Variants in PDE4A observed in about 807,000 individuals in gnomAD.
PDE4A encodes 3',5'-cyclic-AMP phosphodiesterase 4A.
Under a neutral mutation model 73.9 loss-of-function variants are expected in PDE4A, and 21 were observed. The ratio of observed to expected loss-of-function variants is 0.28; its 90% CI spans 0.20 to 0.41. The LOEUF (loss-of-function observed/expected upper bound fraction) is 0.41. Ranked by LOEUF, PDE4A falls within the 10% of genes least tolerant of loss-of-function variation. The probability of loss-of-function intolerance (pLI) is 1.00; values close to 1 mark genes in which losing one functional copy is unlikely to be tolerated. For synonymous variants in PDE4A, 463 were observed against 505.4 expected (o/e 0.92, Z 1.13); for missense variants, 958 against 1,211.4 (o/e 0.79, Z 3.10).
chr19:10,456,827 C>G lies in PDE4A; in HGVS notation c.878-1052C>G, dbSNP rs546039934. Among the ~76,000 whole-genome samples the G allele has an allele frequency of 5.9e-5, 9 of 152,334 alleles. No individual in the cohort carries two copies. The East Asian group carries it at 1.7e-3, about 29-fold the overall frequency. ...CAAGCTAGAGATATTCCCCCAAACT[C>G]AGGATAATTTAATCCTCGCAGTTTA... On this transcript the variant is annotated intron_variant, in intron 7 of 14. Coordinates refer to ENST00000380702, the MANE Select transcript of PDE4A (RefSeq NM_001111307.2).
upstream of PDE4A, chr19:10,417,289 G>C: frequency 1.0e-6 from 1 of 985,052 alleles, no homozygotes; most frequent in Non-Finnish European, 1.2e-6. Flanking sequence ...AGATGTGAGG[G>C]ATGGGAGGGG....
rs1042411247 is a variant in PDE4A, at chr19:10,467,645, C to T, written c.*24C>T. 5.3e-6 allele frequency: 8 copies of T among 1,504,184 alleles called. No homozygotes were observed. Among genetic ancestry groups the T allele is most frequent in the Admixed American group, 2.1e-5 (1 of 47,382 alleles). The allele number at this position is 1,504,184 out of a possible 1,614,324, so 93.2% of individuals were successfully genotyped here. A position where few individuals can be genotyped will look rare whatever the true frequency, so the allele number is the denominator to read the frequency against. ...GATCCCCAGACCTCTGTCCCTGTTCCCCTCCACTCCTCCCCTCACTCCCCT... is the reference window on the plus strand; with the variant it reads ...GATCCCCAGACCTCTGTCCCTGTTCTCCTCCACTCCTCCCCTCACTCCCCT... On this transcript the variant is annotated 3_prime_UTR_variant, in exon 15 of 15. Coordinates refer to ENST00000380702, the MANE Select transcript of PDE4A (RefSeq NM_001111307.2).
intron 7 of PDE4A, among the ~76,000 whole-genome samples, chr19:10,456,922 G>A (rs1318414178): frequency 6.6e-6 from 1 of 152,180 alleles, no homozygotes; most frequent in Non-Finnish European, 1.5e-5. Context: ...TTGGGGCTGG[G>A]TGCGGTGGCT....
In PDE4A at chr19:10,467,613, C is replaced by A. The variant is rs746030260; in HGVS notation, c.2653C>A (p.Pro885Thr). The change falls in exon 15 of 15, where the codon CCT becomes ACT. Residue 885 changes from proline to threonine, a missense_variant. By Grantham distance (38) the Pro-to-Thr change is conservative (BLOSUM62 -1). Transcript: ENST00000380702. ...TGGTGGCGGGGGGTCAGGTGGAGAC[C>A]CTACCTGATCCCCAGACCTCTGTCC... Reference protein sequence around the residue: ...APGGGGSGGDPT With the variant: ...APGGGGSGGDTT 1 of 1,557,590 alleles carries A rather than the reference C, an allele frequency of 6.4e-7. No individual in the cohort carries two copies. The highest frequency in any genetic ancestry group is 1.8e-5 in the Admixed American group (1 of 54,434).
At chr19:10,438,028 T>C (rs995627099) in intron 1 of PDE4A, among the ~76,000 whole-genome samples, 8 of 151,948 alleles carry the variant, frequency 5.3e-5, no homozygotes, top group Non-Finnish European at 1.2e-4. Flanking sequence ...AGGCTGGTGT[T>C]GAACTCCTGG....
chr19:10,432,473 C>A lies in PDE4A; in HGVS notation c.320+11389C>A, dbSNP rs780421226. On this transcript the variant is annotated intron_variant, in intron 1 of 14. Transcript: ENST00000380702. ...CAGCGCCCCGGGCCCGGCCCCGGCC[C>A]CCTGCCCTGGCACTGCCCCCCACGG... The A allele has an allele frequency of 1.4e-5, 21 of 1,501,068 alleles. No homozygotes were observed. The South Asian group carries it at 2.7e-4, about 19-fold the overall frequency. The allele number at this position is 1,501,068 out of a possible 1,614,324, so 93.0% of individuals were successfully genotyped here.
chr19:10,457,535 T>C (rs1035657656), intron 7 of PDE4A, among the ~76,000 whole-genome samples: 7 of 150,580 alleles, frequency 4.6e-5, no homozygotes, highest in Non-Finnish European at 7.4e-5. Flanking sequence ...CATGCTGGGA[T>C]CTTCCCCACC....
At position 10,468,624 on chromosome 19, in the gene PDE4A, C is replaced by A; in HGVS notation, c.*1003C>A. On this transcript the variant is annotated 3_prime_UTR_variant, in exon 15 of 15. Transcript: ENST00000380702. ...CAGGCGCCCAGAACCCCCATCCTGGCCGCACCCCCCTTTCCAGGGTCCTCC... is the reference window on the plus strand; with the variant it reads ...CAGGCGCCCAGAACCCCCATCCTGGACGCACCCCCCTTTCCAGGGTCCTCC... The A allele has an allele frequency of 6.6e-6, 1 of 152,390 alleles. No homozygotes were observed. Among genetic ancestry groups the A allele is most frequent in the East Asian group, 1.9e-4 (1 of 5,180 alleles). The allele number at this position is 152,390 out of a possible 1,614,324, so 9.4% of individuals were successfully genotyped here. A position where few individuals can be genotyped will look rare whatever the true frequency, so the allele number is the denominator to read the frequency against.
intron 1 of PDE4A, among the ~76,000 whole-genome samples, chr19:10,437,404 A>G (rs2042880035): frequency 1.3e-5 from 2 of 151,504 alleles, no homozygotes; most frequent in South Asian, 2.1e-4. Context: ...TTACAGGCGT[A>G]AGCCACCGTG....
chr19:10,433,475 G>A (rs1253365314), intron 1 of PDE4A, among the ~76,000 whole-genome samples: 2 of 152,132 alleles, frequency 1.3e-5, no homozygotes, highest in African/African-American at 2.4e-5. Context: ...GCCCACACAG[G>A]GGTCAGGGAC....
chr19:10,432,504 G>A (rs1191505665), intron 1 of PDE4A: 1 of 1,519,400 alleles, frequency 6.6e-7, no homozygotes, highest in South Asian at 1.2e-5. Flanking sequence ...CACGGGCCCC[G>A]AGTCCCTGAC....
At chr19:10,419,550 T>C (rs1351361703), upstream of PDE4A, 4 of 152,310 alleles carry the variant, frequency 2.6e-5, no homozygotes, top group African/African-American at 4.8e-5. Flanking sequence ...GGCAGCGATG[T>C]ATAGAGCGGT....
intron 1 of PDE4A, among the ~76,000 whole-genome samples, chr19:10,443,605 T>C (rs1215151937): frequency 6.6e-6 from 1 of 150,822 alleles, no homozygotes; most frequent in Non-Finnish European, 1.5e-5. Context: ...TCCCACCTAC[T>C]TGGGAGGTGG....
intron 1 of PDE4A, among the ~76,000 whole-genome samples, chr19:10,439,402 G>A (rs1312368068): frequency 2.6e-5 from 4 of 152,022 alleles, no homozygotes; most frequent in African/African-American, 4.8e-5. Flanking sequence ...GGCTGGTCTC[G>A]AACTCTGGAC....
rs1298142620 is a variant in PDE4A at position 10,463,832 on chromosome 19, C to T, written c.1783C>T (p.Pro595Ser). The T allele has an allele frequency of 2.5e-6, 4 of 1,614,162 alleles. No homozygotes were observed. In the South Asian group the frequency reaches 3.3e-5, roughly 13 times the overall value. The change falls in exon 14 of 15, where the codon CCC becomes TCC. Residue 595 changes from proline to serine, a missense_variant. Coordinates refer to ENST00000380702, the MANE Select transcript of PDE4A (RefSeq NM_001111307.2). Reference sequence around the variant, plus strand: ...GGTGCACTGTGCCGACCTCAGCAACCCCACCAAGCCGCTGGAGCTGTACCG... The same window carrying T: ...GGTGCACTGTGCCGACCTCAGCAACTCCACCAAGCCGCTGGAGCTGTACCG... Reference protein sequence around the residue: ...NMVHCADLSNPTKPLELYRQW... With the variant: ...NMVHCADLSNSTKPLELYRQW...
intron 1 of PDE4A, chr19:10,432,380 C>G (rs2042805397): frequency 7.5e-7 from 1 of 1,331,404 alleles, no homozygotes; most frequent in Non-Finnish European, 9.6e-7. Flanking sequence ...GCAGCGCGCG[C>G]CACACCGCCC....
intron 1 of PDE4A, chr19:10,421,386 G>T (rs558290123): frequency 1.0e-6 from 1 of 969,822 alleles, no homozygotes; most frequent in African/African-American, 1.8e-5. Flanking sequence ...TGGTGACAGT[G>T]CAGAACAGCT....
rs570438260 is a variant in PDE4A, at chr19:10,437,187, G to C, written c.321-9031G>C. 3.3e-5 allele frequency among the ~76,000 whole-genome samples: 5 copies of C among 152,074 alleles called. No individual in the cohort carries two copies. The East Asian group carries it at 5.8e-4, about 18-fold the overall frequency. The stretch of plus-strand genomic sequence containing the variant: ...CCCCTAGGCTGCAGTGCAGTGGCTC[G>C]ATCTTGGCTCACTGCAATCTCCACC... On this transcript the variant is annotated intron_variant, in intron 1 of 14. Coordinates refer to ENST00000380702, the MANE Select transcript of PDE4A (RefSeq NM_001111307.2).
In PDE4A at chr19:10,420,714, T is replaced by C. The variant is rs1263255409; in HGVS notation, c.-51T>C. 2 of 1,432,690 alleles carry C rather than the reference T, an allele frequency of 1.4e-6. No homozygotes were observed. The highest frequency in any genetic ancestry group is 5.9e-5 in the Admixed American group (2 of 34,080). 88.7% of individuals were successfully genotyped at this position (1,432,690 alleles called of 1,614,324 possible). On this transcript the variant is annotated 5_prime_UTR_variant, in exon 1 of 15. Coordinates refer to ENST00000380702, the MANE Select transcript of PDE4A (RefSeq NM_001111307.2). This position sits in a 1 kb window ranked among gnomAD's most constrained non-coding sequence, Gnocchi z 6.0. ...CTGGCTTGCGCGCAGCTGAGCGGGGTGTAGGTTGGAAGGGCCAGGGCCCCC... is the reference window on the plus strand; with the variant it reads ...CTGGCTTGCGCGCAGCTGAGCGGGGCGTAGGTTGGAAGGGCCAGGGCCCCC...
Sources: gnomAD v4.1 joint callset for allele counts (sites outside exome capture counted in the v4.1 genomes callset) on GRCh38, gnomAD v4.1.1 for gene constraint, Gnocchi (gnomAD v3.1) non-coding constraint, MANE v1.5 for transcripts, NCBI Gene and HGNC (gene_info 2026-07-23, HGNC 2026-07-21) for gene names.